PDE12: variants seen among roughly 807,000 people sequenced by gnomAD.
PDE12 encodes 2',5'-phosphodiesterase 12.
PDE12 carries 26 observed loss-of-function variants against 45.4 expected under a neutral mutation model. The ratio of observed to expected loss-of-function variants is 0.57; its 90% CI spans 0.42 to 0.79. The LOEUF (loss-of-function observed/expected upper bound fraction) is 0.79. Ranked by LOEUF, PDE12 falls within the 30% of genes least tolerant of loss-of-function variation. The pLI, the probability that PDE12 is intolerant of heterozygous loss-of-function variation, is 0.00. For missense variants in PDE12, 668 were observed against 790.0 expected (o/e 0.85, Z 1.85); for synonymous variants, 283 against 323.9 (o/e 0.87, Z 1.36).
At chr3:57,618,601 T>C in the PDE12 span, among the ~76,000 whole-genome samples, 2 of 105,942 alleles carry the variant, frequency 1.9e-5, no homozygotes, top group African/African-American at 6.5e-5. Flanking sequence ...TTTAGTTTGC[T>C]TTTGTGTTTT....
At chr3:57,592,890 G>A in the PDE12 span, among the ~76,000 whole-genome samples, 3 of 152,066 alleles carry the variant, frequency 2.0e-5, no homozygotes, top group Non-Finnish European at 4.4e-5. Context: ...AATTTTAGAG[G>A]AACAAAAACT....
chr3:57,573,852 G>C, the PDE12 span, among the ~76,000 whole-genome samples: 1 of 152,170 alleles, frequency 6.6e-6, no homozygotes, highest in African/African-American at 2.4e-5. Context: ...AAAGTGCTGG[G>C]ATTACAGGTG....
rs944594475 is a variant in PDE12 at position 57,557,102 on chromosome 3, C to T, written c.723C>T (p.Asp241=). The T allele has an allele frequency of 1.9e-6, 3 of 1,613,982 alleles. No homozygotes were observed. Among genetic ancestry groups the T allele is most frequent in the East Asian group, 4.5e-5 (2 of 44,870 alleles). ...EERVYTPSNA[D]IGLRLKLHCT... The stretch of plus-strand genomic sequence containing the variant: ...GTGTCTACACCCCGTCCAATGCCGA[C>T]ATCGGGCTAAGGCTCAAGCTTCACT... Residue 241 remains aspartate, a synonymous_variant, in exon 1 of 3, where the codon GAC becomes GAT. Coordinates refer to ENST00000311180, the MANE Select transcript of PDE12 (RefSeq NM_177966.7).
At chr3:57,649,923 A>T in the PDE12 span, among the ~76,000 whole-genome samples, 1 of 39,048 alleles carries the variant, frequency 2.6e-5, no homozygotes, top group Non-Finnish European at 4.6e-5. Context: ...GTATATATAT[A>T]CACACACACA....
At chr3:57,593,900 G>A in the PDE12 span, among the ~76,000 whole-genome samples, 1 of 152,020 alleles carries the variant, frequency 6.6e-6, no homozygotes, top group Non-Finnish European at 1.5e-5. Context: ...CTAATGGCAT[G>A]TCCTTGTTGT....
chr3:57,626,138 G>A, the PDE12 span: 2 of 152,504 alleles, frequency 1.3e-5, no homozygotes, highest in East Asian at 3.9e-4. Flanking sequence ...CAAGGCAAAC[G>A]ATTTCTTTCA....
In PDE12 at chr3:57,563,389, A is replaced by T. The variant is rs769144432; in HGVS notation, c.*3385A>T. ...TATTATACTTTAAGTTCTAGTGTAC[A>T]TGTGCCCAACGTGCAGATTTGTTAC... On this transcript the variant is annotated 3_prime_UTR_variant, in exon 3 of 3. Transcript: ENST00000311180. The T allele has an allele frequency of 6.6e-6, 1 of 152,100 alleles. No individual in the cohort carries two copies. Among genetic ancestry groups the T allele is most frequent in the East Asian group, 1.9e-4 (1 of 5,198 alleles). 9.4% of individuals were successfully genotyped at this position (152,100 alleles called of 1,614,324 possible).
rs1479879392 is a variant in PDE12, at chr3:57,562,671, C to T, written c.*2667C>T. ...AGTTCTTGCTATAGGAATTAACATT[C>T]TAGAATTTTATATTGATTATAAAAG... On this transcript the variant is annotated 3_prime_UTR_variant, in exon 3 of 3. Coordinates refer to ENST00000311180, the MANE Select transcript of PDE12 (RefSeq NM_177966.7). 1 of 152,146 alleles carries T rather than the reference C, an allele frequency of 6.6e-6. No homozygotes were observed. 9.4% of individuals were successfully genotyped at this position (152,146 alleles called of 1,614,324 possible).
At chr3:57,570,229 TTTTTTTTTTTG>T (rs987921431), downstream of PDE12, among the ~76,000 whole-genome samples, 28 of 144,496 alleles carry the variant, frequency 1.9e-4, no homozygotes, top group African/African-American at 7.0e-4. Flanking sequence ...GTTTTTTTTT[TTTTTTTTTTTG>T]GAGACAGAGT....
At chr3:57,639,366 A>G in the PDE12 span, among the ~76,000 whole-genome samples, 1 of 152,212 alleles carries the variant, frequency 6.6e-6, no homozygotes, top group Non-Finnish European at 1.5e-5. Context: ...TTTCTTAAAC[A>G]GATTTATCAA....
chr3:57,608,374 T>G, the PDE12 span, among the ~76,000 whole-genome samples: 1 of 152,206 alleles, frequency 6.6e-6, no homozygotes, highest in African/African-American at 2.4e-5. Context: ...CAGGATCAAA[T>G]TCACACATAA....
chr3:57,637,312 G>A, the PDE12 span, among the ~76,000 whole-genome samples: 1 of 152,120 alleles, frequency 6.6e-6, no homozygotes, highest in Non-Finnish European at 1.5e-5. Context: ...TAGACACAGA[G>A]GAACATCTTG....
the PDE12 span, among the ~76,000 whole-genome samples, chr3:57,581,322 G>T: frequency 6.6e-6 from 1 of 152,140 alleles, no homozygotes; most frequent in Non-Finnish European, 1.5e-5. Flanking sequence ...TCCCTAGGAA[G>T]CAGTACTTAG....
chr3:57,650,417 T>TACAC, the PDE12 span, among the ~76,000 whole-genome samples: 6 of 80,088 alleles, frequency 7.5e-5, no homozygotes, highest in Non-Finnish European at 1.7e-4. Flanking sequence ...TACATGCATT[T>TACAC]ACATACACAC....
the PDE12 span, chr3:57,599,931 C>G: frequency 1.3e-5 from 2 of 150,670 alleles, no homozygotes; most frequent in Non-Finnish European, 2.9e-5. Context: ...TGGGCCCAAG[C>G]AATCCTTCCA....
At chr3:57,557,756 G>C in intron 1 of PDE12, 69 bp downstream of exon 1, 1 of 1,408,918 alleles carries the variant, frequency 7.1e-7, no homozygotes, top group Non-Finnish European at 9.8e-7. Context: ...GAGGAATGAG[G>C]TGGGGGTTAA....
the PDE12 span, among the ~76,000 whole-genome samples, chr3:57,615,561 T>TGGGA: frequency 1.3e-5 from 2 of 152,070 alleles, no homozygotes; most frequent in East Asian, 3.9e-4. Flanking sequence ...GCCAGCACCT[T>TGGGA]GGGAGGCCGA....
chr3:57,653,602 C>T, the PDE12 span, among the ~76,000 whole-genome samples: 5 of 151,774 alleles, frequency 3.3e-5, no homozygotes, highest in Non-Finnish European at 5.9e-5. Flanking sequence ...AAAAATTAGC[C>T]GGATGTAGTG....
the PDE12 span, among the ~76,000 whole-genome samples, chr3:57,647,303 C>A: frequency 2.0e-5 from 3 of 152,038 alleles, no homozygotes; most frequent in African/African-American, 7.2e-5. Flanking sequence ...CAAACAACAA[C>A]AAAAAAACAG....
Sources: gnomAD v4.1 joint callset for allele counts (sites outside exome capture counted in the v4.1 genomes callset) on GRCh38, gnomAD v4.1.1 for gene constraint, MANE v1.5 for transcripts, NCBI Gene and HGNC (gene_info 2026-07-23, HGNC 2026-07-21) for gene names.